ARMC2: variants seen among roughly 807,000 people sequenced by gnomAD.
ARMC2 encodes armadillo repeat containing 2.
Under a neutral mutation model 90.3 loss-of-function variants are expected in ARMC2, and 67 were observed. The observed-to-expected ratio is 0.74, with a 90% CI of 0.61 to 0.91. The LOEUF (loss-of-function observed/expected upper bound fraction) is 0.91. Among genes scored for constraint, ARMC2 ranks in the 40% least tolerant of loss-of-function variants. The pLI, the probability that ARMC2 is intolerant of heterozygous loss-of-function variation, is 0.00. For missense variants in ARMC2, 920 were observed against 1,030.9 expected (o/e 0.89, Z 1.47); for synonymous variants, 393 against 393.0 (o/e 1.00, Z 0.00).
intron 5 of ARMC2, among the ~76,000 whole-genome samples, chr6:108,887,428 T>G (rs1770479861): frequency 6.6e-6 from 1 of 152,164 alleles, no homozygotes; most frequent in Non-Finnish European, 1.5e-5. Flanking sequence ...GCTTTTGCTC[T>G]TAAACATGTG....
chr6:108,909,464 A>G (rs561634939), intron 8 of ARMC2, among the ~76,000 whole-genome samples: 11 of 152,128 alleles, frequency 7.2e-5, no homozygotes, highest in African/African-American at 2.6e-4. Context: ...AAAAAAAAAA[A>G]CACTATATTT....
chr6:109,016,518 A>G, the ARMC2 span, among the ~76,000 whole-genome samples: 1 of 152,200 alleles, frequency 6.6e-6, no homozygotes, highest in Non-Finnish European at 1.5e-5. Flanking sequence ...GCACAAGTAC[A>G]AGGCCAAATC....
chr6:108,978,438 G>C (rs1352702339), downstream of ARMC2, among the ~76,000 whole-genome samples: 5 of 152,188 alleles, frequency 3.3e-5, no homozygotes, highest in East Asian at 9.6e-4. Flanking sequence ...TTTAGCATAA[G>C]TGCAATGTGG....
intron 12 of ARMC2, among the ~76,000 whole-genome samples, chr6:108,952,529 G>A (rs1212332697): frequency 6.9e-6 from 1 of 145,210 alleles, no homozygotes; most frequent in African/African-American, 2.6e-5. Context: ...GGCCAGGTGT[G>A]CTGCCAAACG....
intron 12 of ARMC2, among the ~76,000 whole-genome samples, chr6:108,944,351 G>A (rs895876234): frequency 2.0e-5 from 3 of 152,334 alleles, no homozygotes; most frequent in Middle Eastern, 3.4e-3. Context: ...TGGTACATTA[G>A]TCTTTTCCAC....
rs750425400 is a variant in ARMC2, at chr6:108,904,301, G to A, written c.919G>A (p.Gly307Arg). The A allele has an allele frequency of 5.6e-6, 9 of 1,613,694 alleles. No homozygotes were observed. In the Admixed American group the frequency reaches 1.5e-4, roughly 27 times the overall value. The change falls in exon 8 of 18, where the codon GGA (glycine) becomes AGA (arginine). Residue 307 changes from glycine to arginine, a missense_variant. Coordinates refer to ENST00000392644, the MANE Select transcript of ARMC2 (RefSeq NM_032131.6). ...HHALEEGNML[G>R]NKFKGRSILL... The stretch of plus-strand genomic sequence containing the variant: ...TGCTTTAGAGGAAGGAAACATGCTT[G>A]GAAATAAATTTAAGGGAAGAAGTAT...
At chr6:109,038,121 C>T in the ARMC2 span, among the ~76,000 whole-genome samples, 2 of 152,154 alleles carry the variant, frequency 1.3e-5, no homozygotes, top group East Asian at 1.9e-4. Flanking sequence ...ACATTTTGTC[C>T]TGCAGCATTA....
At chr6:109,017,412 A>G in the ARMC2 span, among the ~76,000 whole-genome samples, 5 of 152,002 alleles carry the variant, frequency 3.3e-5, no homozygotes, top group Non-Finnish European at 7.4e-5. Context: ...CAGCCTCCCA[A>G]GCAGCTGGGA....
the ARMC2 span, among the ~76,000 whole-genome samples, chr6:109,048,620 C>T: frequency 6.6e-5 from 10 of 152,258 alleles, no homozygotes; most frequent in Middle Eastern, 0.01. Context: ...GGTGACAAGC[C>T]TGTGGGTAGA....
intron 1 of ARMC2, among the ~76,000 whole-genome samples, chr6:108,853,345 C>A (rs977117848): frequency 2.6e-5 from 4 of 152,058 alleles, no homozygotes; most frequent in African/African-American, 9.7e-5. Flanking sequence ...GAAATGGAAT[C>A]TTTTTAGTTT....
intron 10 of ARMC2, among the ~76,000 whole-genome samples, chr6:108,927,027 A>T (rs1310341579): frequency 6.6e-6 from 1 of 151,276 alleles, no homozygotes; most frequent in African/African-American, 2.4e-5. Context: ...ATGTCATCTT[A>T]AAAATTGTTT....
chr6:108,988,757 C>A, the ARMC2 span: 1 of 1,255,536 alleles, frequency 8.0e-7, no homozygotes, highest in Non-Finnish European at 1.1e-6. Flanking sequence ...CAAAAGTATA[C>A]ACATCAATAG....
the ARMC2 span, among the ~76,000 whole-genome samples, chr6:108,994,984 G>A: frequency 9.9e-4 from 151 of 152,226 alleles, 1 homozygote; most frequent in South Asian, 4.1e-3. Context: ...GATTACAGGC[G>A]TGAGCCACTG....
chr6:108,918,477 A>G (rs1489806932), intron 10 of ARMC2, among the ~76,000 whole-genome samples: 1 of 147,830 alleles, frequency 6.8e-6, no homozygotes. Context: ...GTTTTGATAT[A>G]CTTGATTTTT....
intron 5 of ARMC2, among the ~76,000 whole-genome samples, chr6:108,877,162 A>G (rs958846234): frequency 6.6e-6 from 1 of 152,240 alleles, no homozygotes; most frequent in African/African-American, 2.4e-5. Context: ...AGGACTTTCC[A>G]TTGGGTCATC....
Position 108,964,179 on chromosome 6 carries a change from G to C in ARMC2, c.2153-1G>C, listed in dbSNP as rs762374485. ...TCTGCATTTGCTCTCTTCCCTCGTA[G>C]TCCACAGGTTCATGATGGCGCTGCT... On this transcript the variant is annotated splice_acceptor_variant, in intron 15 of 17. Transcript: ENST00000392644. LOFTEE classifies it high-confidence loss of function. The C allele has an allele frequency of 8.1e-6, 13 of 1,612,700 alleles. No individual in the cohort carries two copies. Among genetic ancestry groups the C allele is most frequent in the Non-Finnish European group, 1.1e-5 (13 of 1,179,464 alleles).
chr6:109,009,083 C>T, the ARMC2 span: 2 of 856,486 alleles, frequency 2.3e-6, no homozygotes, highest in Non-Finnish European at 3.0e-6. Flanking sequence ...TTTACATGAC[C>T]GCGGCCGCAG....
At chr6:109,009,871 T>G in the ARMC2 span, among the ~76,000 whole-genome samples, 1 of 152,074 alleles carries the variant, frequency 6.6e-6, no homozygotes, top group Admixed American at 6.5e-5. Flanking sequence ...CCTACACCCC[T>G]GCTCGGCCAT....
chr6:108,861,547 A>G lies in ARMC2; in HGVS notation c.291+3276A>G, dbSNP rs188531372. On this transcript the variant is annotated intron_variant, in intron 3 of 17. Transcript: ENST00000392644. Reference sequence around the variant, plus strand: ...TGTATCTTATATTTTTAAAGTATTTATCAGAATGCCTCTGTGAGGAAGATT... The same window carrying G: ...TGTATCTTATATTTTTAAAGTATTTGTCAGAATGCCTCTGTGAGGAAGATT... Among the ~76,000 whole-genome samples the G allele has an allele frequency of 9.2e-4, 140 of 152,372 alleles. 1 individual carries two copies. The highest frequency in any genetic ancestry group is 3.4e-3 in the Middle Eastern group (1 of 294).
Sources: allele counts gnomAD v4.1 joint callset (sites outside exome capture counted in the v4.1 genomes callset), GRCh38; gene constraint gnomAD v4.1.1; transcripts MANE v1.5; gene names NCBI Gene and HGNC (gene_info 2026-07-23, HGNC 2026-07-21).